ZNG1F: variants seen among roughly 807,000 people sequenced by gnomAD.
ZNG1F encodes the protein Zn regulated GTPase metalloprotein activator 1F, also known as zinc-regulated GTPase metalloprotein activator 1F.
At chr9:41,148,449 AT>A in the ZNG1F span, among the ~76,000 whole-genome samples, 1 of 86,368 alleles carries the variant, frequency 1.2e-5, no homozygotes, top group Non-Finnish European at 2.3e-5. Context: ...CAAAATGTTG[AT>A]TTTTTCCAGG....
chr9:41,133,155 T>TAC, the ZNG1F span: 1 of 77,672 alleles, frequency 1.3e-5, no homozygotes, highest in Non-Finnish European at 2.1e-5. Flanking sequence ...TAACTTTGTT[T>TAC]AGAGTACAAC....
chr9:41,158,350 T>TAAATAA, the ZNG1F span: 6 of 133,162 alleles, frequency 4.5e-5, no homozygotes, highest in African/African-American at 1.4e-4. Context: ...AAGATAAAAA[T>TAAATAA]AAATAAAAAT....
At chr9:41,164,960 C>T in the ZNG1F span, 1 of 1,566,722 alleles carries the variant, frequency 6.4e-7, no homozygotes, top group African/African-American at 1.4e-5. Flanking sequence ...TCTGTGTATA[C>T]AATATGGATC....
chr9:41,202,719 ATAG>A, the ZNG1F span, among the ~76,000 whole-genome samples: 1 of 131,072 alleles, frequency 7.6e-6, no homozygotes, highest in Middle Eastern at 3.5e-3. Flanking sequence ...AGTTACAAAA[ATAG>A]TAGAGATTCC....
At chr9:41,168,437 C>T in the ZNG1F span, among the ~76,000 whole-genome samples, 2 of 29,970 alleles carry the variant, frequency 6.7e-5, 1 homozygote, top group Non-Finnish European at 2.1e-4. Context: ...GGCTACAAGT[C>T]CTATTGTTAT....
chr9:41,192,876 C>A, the ZNG1F span, among the ~76,000 whole-genome samples: 1 of 139,610 alleles, frequency 7.2e-6, no homozygotes, highest in Non-Finnish European at 1.6e-5. Context: ...ATTTTAGAAT[C>A]TATTGCAGTT....
chr9:41,143,773 T>C, the ZNG1F span, among the ~76,000 whole-genome samples: 5 of 25,650 alleles, frequency 1.9e-4, 2 homozygotes, highest in African/African-American at 3.6e-4. Context: ...TTTGTTTTTT[T>C]AAAATACTCC....
the ZNG1F span, among the ~76,000 whole-genome samples, chr9:41,159,214 C>G: frequency 2.7e-5 from 4 of 150,078 alleles, no homozygotes; most frequent in Non-Finnish European, 4.4e-5. Flanking sequence ...ACAGGGTGCA[C>G]CAGCCAATCC....
At chr9:41,173,990 G>A in the ZNG1F span, among the ~76,000 whole-genome samples, 1 of 149,132 alleles carries the variant, frequency 6.7e-6, no homozygotes, top group Non-Finnish European at 1.5e-5. Context: ...GGGAGGCCAA[G>A]GCTGGCGGAT....
At chr9:41,169,542 G>A in the ZNG1F span, among the ~76,000 whole-genome samples, 1 of 151,220 alleles carries the variant, frequency 6.6e-6, no homozygotes, top group African/African-American at 2.4e-5. Context: ...AAAGGCTAAG[G>A]ATCAAAACCC....
the ZNG1F span, among the ~76,000 whole-genome samples, chr9:41,202,072 G>C: frequency 1.7e-5 from 1 of 57,732 alleles, no homozygotes; most frequent in Non-Finnish European, 4.4e-5. Flanking sequence ...GGAGCTACTT[G>C]TTCTTCCTCA....
chr9:41,147,679 GAAAA>G, the ZNG1F span, among the ~76,000 whole-genome samples: 1 of 85,056 alleles, frequency 1.2e-5, no homozygotes, highest in African/African-American at 5.1e-5. Flanking sequence ...TCTCCAAGGG[GAAAA>G]AAAAAAAAAA....
At chr9:41,201,357 G>C in the ZNG1F span, among the ~76,000 whole-genome samples, 2 of 102,794 alleles carry the variant, frequency 1.9e-5, no homozygotes, top group African/African-American at 6.6e-5. Flanking sequence ...CTACCTCAGG[G>C]AGTACTGTAG....
the ZNG1F span, among the ~76,000 whole-genome samples, chr9:41,193,421 A>G: frequency 3.5e-5 from 5 of 142,776 alleles, no homozygotes; most frequent in South Asian, 1.2e-3. Context: ...ACCAGACCAA[A>G]CCAAAATGGA....
the ZNG1F span, among the ~76,000 whole-genome samples, chr9:41,137,143 C>T: frequency 2.2e-5 from 3 of 139,062 alleles, 1 homozygote; most frequent in East Asian, 6.5e-4. Flanking sequence ...CTTAGCACCA[C>T]CTTTGCTGTA....
chr9:41,169,741 C>T, the ZNG1F span, among the ~76,000 whole-genome samples: 9 of 146,760 alleles, frequency 6.1e-5, no homozygotes, highest in Admixed American at 2.8e-4. Flanking sequence ...CTTACCACCC[C>T]CTCTCAAAAA....
the ZNG1F span, chr9:41,164,873 T>G: frequency 2.0e-5 from 12 of 599,292 alleles, no homozygotes; most frequent in South Asian, 4.0e-5. Flanking sequence ...ACAATATATG[T>G]GATTCCCTAA....
chr9:41,203,284 A>ACTCTAGCTCACAGTTGATC, the ZNG1F span, among the ~76,000 whole-genome samples: 1 of 152,166 alleles, frequency 6.6e-6, no homozygotes, highest in African/African-American at 2.4e-5. Context: ...TTTTCATCAT[A>ACTCTAGCTCACAGTTGATC]CTCTAGCTCA....
At chr9:41,156,669 TTA>T in the ZNG1F span, 4 of 224,120 alleles carry the variant, frequency 1.8e-5, 1 homozygote, top group African/African-American at 1.2e-4. Context: ...ATGCTGAAAT[TTA>T]TGAGCTTTTC....
Sources: gnomAD v4.1 joint callset for allele counts (sites outside exome capture counted in the v4.1 genomes callset) on GRCh38, gnomAD v4.1.1 for gene constraint, MANE v1.5 for transcripts, NCBI Gene and HGNC (gene_info 2026-07-23, HGNC 2026-07-21) for gene names.